Variants in CTNNA3 observed in about 807,000 individuals in gnomAD.
CTNNA3 encodes catenin alpha-3.
A neutral mutation model predicts 95.7 loss-of-function variants in CTNNA3; 76 were observed. The ratio of observed to expected loss-of-function variants is 0.79; its 90% CI spans 0.66 to 0.96. CTNNA3 has a LOEUF of 0.96. Among genes scored for constraint, CTNNA3 ranks in the 40% least tolerant of loss-of-function variants. The probability of loss-of-function intolerance (pLI) is 0.00; values close to 1 mark genes in which losing one functional copy is unlikely to be tolerated. For synonymous variants in CTNNA3, 431 were observed against 374.4 expected (o/e 1.15, Z -1.74); for missense variants, 1,191 against 1,089.8 (o/e 1.09, Z -1.31).
At chr10:67,197,693 C>G (rs10997568) in intron 6 of CTNNA3, among the ~76,000 whole-genome samples, 15,101 of 152,050 alleles carry the variant, frequency 0.099, 1,274 homozygotes, top group African/African-American at 0.23. Context: ...TTACAACCAA[C>G]TAAAGATGTT....
intron 5 of CTNNA3, among the ~76,000 whole-genome samples, chr10:67,467,052 CA>C (rs1425427026): frequency 6.6e-6 from 1 of 152,018 alleles, no homozygotes; most frequent in Non-Finnish European, 1.5e-5. Flanking sequence ...GTGGGAGGAT[CA>C]CATAAGCCCA....
chr10:66,972,481 A>C (rs983133245), intron 7 of CTNNA3, among the ~76,000 whole-genome samples: 2 of 151,968 alleles, frequency 1.3e-5, no homozygotes, highest in Non-Finnish European at 2.9e-5. Context: ...CGTAAAAATC[A>C]TTATTTTCCT....
intron 4 of CTNNA3, among the ~76,000 whole-genome samples, chr10:67,524,319 A>G (rs1387694798): frequency 5.4e-5 from 8 of 148,690 alleles, no homozygotes; most frequent in African/African-American, 2.0e-4. Context: ...AATGGCGTGA[A>G]CCCGGCAGGC....
chr10:66,949,323 G>A (rs531583769), intron 7 of CTNNA3, among the ~76,000 whole-genome samples: 198 of 152,216 alleles, frequency 1.3e-3, no homozygotes, highest in African/African-American at 4.6e-3. Flanking sequence ...TTGGGAGGCC[G>A]AGGCAGGTGG....
intron 12 of CTNNA3, among the ~76,000 whole-genome samples, chr10:66,364,650 G>T (rs2092699035): frequency 6.6e-6 from 1 of 151,990 alleles, no homozygotes; most frequent in African/African-American, 2.4e-5. Flanking sequence ...TTTCTTAAAC[G>T]TTTAAGTAAA....
chr10:66,401,802 G>A (rs1441268696), intron 11 of CTNNA3, among the ~76,000 whole-genome samples: 1 of 151,630 alleles, frequency 6.6e-6, no homozygotes, highest in Admixed American at 6.6e-5. Context: ...GGGATTACAG[G>A]TGCCCACCAC....
intron 5 of CTNNA3, among the ~76,000 whole-genome samples, chr10:67,434,921 C>G (rs1032973069): frequency 6.6e-6 from 1 of 151,870 alleles, no homozygotes; most frequent in Admixed American, 6.6e-5. Flanking sequence ...ACCTGAGTAC[C>G]TGTGAAATCA....
At chr10:66,433,679 T>G (rs1418689069) in intron 11 of CTNNA3, among the ~76,000 whole-genome samples, 4 of 152,222 alleles carry the variant, frequency 2.6e-5, no homozygotes, top group African/African-American at 4.8e-5. Context: ...TGGCTTTTGT[T>G]GCCATTGCTT....
intron 11 of CTNNA3, among the ~76,000 whole-genome samples, chr10:66,491,384 C>A (rs951038847): frequency 1.3e-5 from 2 of 152,124 alleles, no homozygotes; most frequent in Admixed American, 1.3e-4. Flanking sequence ...TATAATCCAG[C>A]TGAAACAGTT....
intron 6 of CTNNA3, 61 bp from the exon 7 acceptor site, chr10:67,180,581 A>G: frequency 2.2e-6 from 3 of 1,387,844 alleles, no homozygotes; most frequent in Non-Finnish European, 3.1e-6. Flanking sequence ...TATGAAAAAC[A>G]AATGTTATTT....
At chr10:66,971,109 T>G (rs1849696464) in intron 7 of CTNNA3, among the ~76,000 whole-genome samples, 1 of 152,094 alleles carries the variant, frequency 6.6e-6, no homozygotes, top group African/African-American at 2.4e-5. Context: ...TTAATTACAC[T>G]GGGCAGCAAT....
intron 16 of CTNNA3, among the ~76,000 whole-genome samples, chr10:65,980,089 G>A (rs969538022): frequency 3.3e-5 from 5 of 151,878 alleles, no homozygotes; most frequent in Admixed American, 6.6e-5. Flanking sequence ...TGAGATTAAC[G>A]AAGAAAAGAA....
chr10:66,269,546 T>C (rs918927922), intron 13 of CTNNA3, among the ~76,000 whole-genome samples: 7 of 152,216 alleles, frequency 4.6e-5, no homozygotes, highest in African/African-American at 1.7e-4. Flanking sequence ...GATCTTTCTA[T>C]ATTTTATGAC....
At chr10:67,187,989 C>T (rs1160351327) in intron 6 of CTNNA3, among the ~76,000 whole-genome samples, 1 of 152,194 alleles carries the variant, frequency 6.6e-6, no homozygotes, top group African/African-American at 2.4e-5. Flanking sequence ...CTACTCTGTG[C>T]CAGGTACTGT....
At chr10:66,882,040 A>G (rs1447786644) in intron 7 of CTNNA3, among the ~76,000 whole-genome samples, 1 of 152,076 alleles carries the variant, frequency 6.6e-6, no homozygotes, top group African/African-American at 2.4e-5. Context: ...TCTATGCTAC[A>G]TTAGGTCACT....
At chr10:66,524,566 A>G (rs1841183502) in intron 10 of CTNNA3, among the ~76,000 whole-genome samples, 1 of 152,156 alleles carries the variant, frequency 6.6e-6, no homozygotes, top group Non-Finnish European at 1.5e-5. Flanking sequence ...AATCTTGAAA[A>G]TTTGAACTAG....
At chr10:67,510,789 T>C (rs909415305) in intron 5 of CTNNA3, among the ~76,000 whole-genome samples, 3 of 152,160 alleles carry the variant, frequency 2.0e-5, no homozygotes, top group East Asian at 1.9e-4. Context: ...TTGGGCAGTA[T>C]GGCCATTTTC....
chr10:66,354,427 A>G (rs1376079203), intron 12 of CTNNA3, among the ~76,000 whole-genome samples: 2 of 152,088 alleles, frequency 1.3e-5, no homozygotes, highest in Non-Finnish European at 1.5e-5. Flanking sequence ...CATAAAGCAC[A>G]TTGTTCTGAA....
At chr10:67,305,085 G>A (rs1484874723) in intron 5 of CTNNA3, among the ~76,000 whole-genome samples, 1 of 152,088 alleles carries the variant, frequency 6.6e-6, no homozygotes, top group Non-Finnish European at 1.5e-5. Context: ...GACCATCCTT[G>A]CTAACACAGT....
Sources: allele counts gnomAD v4.1 joint callset (sites outside exome capture counted in the v4.1 genomes callset), GRCh38; gene constraint gnomAD v4.1.1; transcripts MANE v1.5; gene names NCBI Gene and HGNC (gene_info 2026-07-23, HGNC 2026-07-21).